Variants in DAP observed in about 807,000 individuals in gnomAD.
The protein encoded by DAP is death-associated protein 1.
Under a neutral mutation model 13.8 loss-of-function variants are expected in DAP, and 8 were observed. The observed-to-expected ratio is 0.58, with a 90% CI of 0.34 to 1.05. DAP has a LOEUF of 1.05. DAP is among the 50% of genes least tolerant of loss of function. The pLI is 0.03. For missense variants in DAP, 106 were observed against 133.2 expected, an observed-to-expected ratio of 0.80 and a Z score of 1.01; for synonymous variants, 47 against 47.5, an observed-to-expected ratio of 0.99 and a Z score of 0.04.
intron 2 of DAP, among the ~76,000 whole-genome samples, chr5:10,745,581 G>A (rs1739879422): frequency 6.6e-6 from 1 of 152,014 alleles, no homozygotes. Context: ...TATTTAAATT[G>A]ATCATCTTCT....
At chr5:10,718,389 T>C (rs1218311437) in intron 2 of DAP, among the ~76,000 whole-genome samples, 4 of 152,136 alleles carry the variant, frequency 2.6e-5, no homozygotes, top group Non-Finnish European at 4.4e-5. Flanking sequence ...AACCCCAACA[T>C]TGACTCCCTG....
intron 2 of DAP, among the ~76,000 whole-genome samples, chr5:10,697,885 C>A (rs1738473782): frequency 6.6e-6 from 1 of 152,074 alleles, no homozygotes; most frequent in Admixed American, 6.5e-5. Flanking sequence ...TAGAGAGATG[C>A]CAGAGTTAAC....
At chr5:10,696,861 T>C (rs1017691477) in intron 2 of DAP, among the ~76,000 whole-genome samples, 2 of 152,164 alleles carry the variant, frequency 1.3e-5, no homozygotes, top group African/African-American at 2.4e-5. Context: ...TTCAGGGCAT[T>C]ACTATGAGAA....
intron 2 of DAP, among the ~76,000 whole-genome samples, chr5:10,701,155 G>C (rs1373435195): frequency 6.6e-6 from 1 of 152,220 alleles, no homozygotes; most frequent in African/African-American, 2.4e-5. Flanking sequence ...GGCTATGAGG[G>C]CTTATTTCCC....
chr5:10,704,285 A>G (rs899521038), intron 2 of DAP, among the ~76,000 whole-genome samples: 7 of 152,352 alleles, frequency 4.6e-5, no homozygotes, highest in African/African-American at 1.7e-4. Context: ...TATGGATATT[A>G]CACTAAGTAG....
At position 10,719,043 on chromosome 5, in the gene DAP, C is replaced by T. The variant is rs567479828; in HGVS notation, c.152+29132G>A. On this transcript the variant is annotated intron_variant, in intron 2 of 3. Transcript: ENST00000230895. ...CACGCCAGAGAATGAAAAATCAATC[C>T]GACTAAAATTCAGATACCTTCTACC... is the stretch of plus-strand genomic sequence containing the variant. Among the ~76,000 whole-genome samples, 22 of 152,292 alleles carry T rather than the reference C, an allele frequency of 1.4e-4. No individual in the cohort carries two copies. In the South Asian group the frequency reaches 2.9e-3, roughly 20 times the overall value.
intron 2 of DAP, among the ~76,000 whole-genome samples, chr5:10,739,787 TCACACACA>T (rs35309839): frequency 0.22 from 33,145 of 148,550 alleles, 3,793 homozygotes; most frequent in Middle Eastern, 0.33. Flanking sequence ...CTAAATTAAC[TCACACACA>T]CACACACACA....
chr5:10,760,752 A>G (rs1173768913), intron 1 of DAP, among the ~76,000 whole-genome samples: 1 of 152,158 alleles, frequency 6.6e-6, no homozygotes, highest in Non-Finnish European at 1.5e-5. Flanking sequence ...CCTGCGCGCA[A>G]TCGCACAGGT....
chr5:10,724,967 C>T (rs1357603877), intron 2 of DAP, among the ~76,000 whole-genome samples: 5 of 152,250 alleles, frequency 3.3e-5, no homozygotes, highest in Middle Eastern at 3.4e-3. Flanking sequence ...GCTTCTTCCT[C>T]CCCCCTCTCC....
rs1737935736 is a variant in DAP at position 10,679,834 on chromosome 5, C to G, written c.*1222G>C. On this transcript the variant is annotated 3_prime_UTR_variant, in exon 4 of 4. Transcript: ENST00000230895. ...CAGAAAGGCTGGTGGTTGGCAGCTG[C>G]TCACGACACAGTTGCTGACCTGCAG... 6.6e-6 allele frequency: 1 copy of G among 152,404 alleles called. No homozygotes were observed. The highest frequency in any genetic ancestry group is 2.4e-5 in the African/African-American group (1 of 41,458). The allele number at this position is 152,404 out of a possible 1,614,324, so 9.4% of individuals were successfully genotyped here.
chr5:10,751,084 G>A (rs1740033750), intron 1 of DAP, among the ~76,000 whole-genome samples: 1 of 152,130 alleles, frequency 6.6e-6, no homozygotes, highest in Non-Finnish European at 1.5e-5. Context: ...AGGGCCACTG[G>A]GCAGGTTTCC....
At chr5:10,702,905 G>C (rs1286310042) in intron 2 of DAP, among the ~76,000 whole-genome samples, 1 of 152,166 alleles carries the variant, frequency 6.6e-6, no homozygotes, top group Non-Finnish European at 1.5e-5. Flanking sequence ...CCTTGCAAAA[G>C]GGACAGTAAC....
rs771561464 is a variant in DAP, at chr5:10,707,568, A to T, written c.153-23997T>A. On this transcript the variant is annotated intron_variant, in intron 2 of 3. Transcript: ENST00000230895. The surrounding 1 kb of genome is among the most constrained non-coding windows in gnomAD (Gnocchi z 4.0). Reference sequence around the variant, plus strand: ...TGCAGGGGTGGTGTGATTTGCGATCAGTGTGGTGCACAGGCAGTGTGATGT... The same window carrying T: ...TGCAGGGGTGGTGTGATTTGCGATCTGTGTGGTGCACAGGCAGTGTGATGT... 1.1e-4 allele frequency among the ~76,000 whole-genome samples: 17 copies of T among 150,732 alleles called. No homozygotes were observed. Among genetic ancestry groups the T allele is most frequent in the Non-Finnish European group, 2.4e-4 (16 of 67,696 alleles).
At chr5:10,757,770 G>C (rs1275696746) in intron 1 of DAP, among the ~76,000 whole-genome samples, 2 of 152,158 alleles carry the variant, frequency 1.3e-5, no homozygotes. Flanking sequence ...ACAGTACAGA[G>C]AGCTCAGAGT....
Sources: allele counts gnomAD v4.1 joint callset (sites outside exome capture counted in the v4.1 genomes callset), GRCh38; gene constraint gnomAD v4.1.1; non-coding constraint Gnocchi (gnomAD v3.1); transcripts MANE v1.5; gene names NCBI Gene and HGNC (gene_info 2026-07-23, HGNC 2026-07-21).